ST6GALNAC5: variants seen among roughly 807,000 people sequenced by gnomAD.
The protein encoded by ST6GALNAC5 is ST6 N-acetylgalactosaminide alpha-2,6-sialyltransferase 5, also known as alpha-N-acetylgalactosaminide alpha-2,6-sialyltransferase 5.
In ST6GALNAC5, 27 loss-of-function variants were observed where a neutral mutation model predicts 33.6. That is an observed-to-expected ratio of 0.80 (90% confidence interval 0.59 to 1.11). ST6GALNAC5 has a LOEUF of 1.11. Among genes scored for constraint, ST6GALNAC5 ranks in the 50% least tolerant of loss-of-function variants. The pLI is 0.00. For missense variants in ST6GALNAC5, 428 were observed against 454.0 expected (o/e 0.94, Z 0.52); for synonymous variants, 194 against 171.2 (o/e 1.13, Z -1.04).
At chr1:77,044,979 A>T (rs1651961704) in intron 3 of ST6GALNAC5, among the ~76,000 whole-genome samples, 1 of 152,186 alleles carries the variant, frequency 6.6e-6, no homozygotes, top group Non-Finnish European at 1.5e-5. Context: ...TCCCATTCAA[A>T]GGCAAACATT....
chr1:76,886,928 C>T (rs1357366048), intron 2 of ST6GALNAC5, among the ~76,000 whole-genome samples: 2 of 152,188 alleles, frequency 1.3e-5, no homozygotes, highest in African/African-American at 2.4e-5. Flanking sequence ...ATGGCTATAC[C>T]GTACTTTGTT....
At chr1:76,931,789 T>C (rs1647144032) in intron 2 of ST6GALNAC5, among the ~76,000 whole-genome samples, 1 of 152,072 alleles carries the variant, frequency 6.6e-6, no homozygotes, top group Non-Finnish European at 1.5e-5. Context: ...GTTGGAATAC[T>C]GAAATGGATT....
chr1:76,896,508 G>T (rs1327447894), intron 2 of ST6GALNAC5, among the ~76,000 whole-genome samples: 1 of 152,186 alleles, frequency 6.6e-6, no homozygotes, highest in African/African-American at 2.4e-5. Context: ...TTGGTGGTGT[G>T]TGGCGATTAG....
chr1:77,017,616 C>T (rs1181124429), intron 2 of ST6GALNAC5, among the ~76,000 whole-genome samples: 3 of 152,182 alleles, frequency 2.0e-5, no homozygotes, highest in African/African-American at 7.2e-5. Flanking sequence ...AATGACAAAG[C>T]TCCTCATTTT....
chr1:76,891,256 T>C (rs2100248981), intron 2 of ST6GALNAC5, among the ~76,000 whole-genome samples: 1 of 152,336 alleles, frequency 6.6e-6, no homozygotes, highest in East Asian at 1.9e-4. Context: ...TGCCAACACA[T>C]GTTATCATCT....
intron 2 of ST6GALNAC5, among the ~76,000 whole-genome samples, chr1:76,950,934 C>T (rs917341450): frequency 6.6e-6 from 1 of 151,754 alleles, no homozygotes. Flanking sequence ...ACTAATCTCA[C>T]GAACCACCTG....
In ST6GALNAC5 at chr1:76,899,418, G is replaced by T. The variant is rs559995867; in HGVS notation, c.261+30676G>T. ...ATAAGAGGTCAGGGCATGGAAATAA[G>T]GGATCGGGGCACAGAGATAAGAGGT... On this transcript the variant is annotated intron_variant, in intron 2 of 4. Transcript: ENST00000477717. Among the ~76,000 whole-genome samples the T allele has an allele frequency of 4.3e-4, 66 of 152,200 alleles. No homozygotes were observed. In the South Asian group the frequency reaches 0.013, roughly 30 times the overall value.
chr1:76,871,166 T>G (rs1653493914), intron 2 of ST6GALNAC5: 1 of 152,252 alleles, frequency 6.6e-6, no homozygotes, highest in Non-Finnish European at 1.5e-5. Context: ...TAGGAATTTT[T>G]TTCCAATTAT....
intron 4 of ST6GALNAC5, among the ~76,000 whole-genome samples, chr1:77,053,194 G>T (rs1369950085): frequency 6.6e-6 from 1 of 152,138 alleles, no homozygotes; most frequent in African/African-American, 2.4e-5. Context: ...TCTTTATTTT[G>T]AAAGAAGCAG....
At chr1:76,936,861 G>A (rs1039981575) in intron 2 of ST6GALNAC5, among the ~76,000 whole-genome samples, 1 of 151,642 alleles carries the variant, frequency 6.6e-6, no homozygotes, top group Non-Finnish European at 1.5e-5. Context: ...TTGTACCAGA[G>A]GATGTGGGTT....
intron 4 of ST6GALNAC5, among the ~76,000 whole-genome samples, chr1:77,062,111 A>G (rs1652597938): frequency 1.3e-5 from 2 of 152,192 alleles, no homozygotes; most frequent in African/African-American, 4.8e-5. Context: ...GAAGTTTGCT[A>G]TTTAGCTGCT....
chr1:77,001,829 A>T (rs1262887255), intron 2 of ST6GALNAC5, among the ~76,000 whole-genome samples: 1 of 151,724 alleles, frequency 6.6e-6, no homozygotes, highest in Non-Finnish European at 1.5e-5. Context: ...CTTGCATTCC[A>T]GGAATGAAGC....
At chr1:76,936,448 G>T (rs1032260676) in intron 2 of ST6GALNAC5, among the ~76,000 whole-genome samples, 1 of 151,918 alleles carries the variant, frequency 6.6e-6, no homozygotes, top group Admixed American at 6.6e-5. Context: ...AGCTTATTTT[G>T]TTGTTCATAG....
At chr1:76,966,924 G>GC (rs760283342) in intron 2 of ST6GALNAC5, among the ~76,000 whole-genome samples, 127 of 152,320 alleles carry the variant, frequency 8.3e-4, no homozygotes, top group Non-Finnish European at 1.4e-3. Context: ...TGTTGAACCA[G>GC]CCTTGCATCC....
At chr1:76,879,123 G>A (rs1451022971) in intron 2 of ST6GALNAC5, among the ~76,000 whole-genome samples, 1 of 152,162 alleles carries the variant, frequency 6.6e-6, no homozygotes, top group African/African-American at 2.4e-5. Context: ...CATTGATCAA[G>A]GGTATGTCTT....
chr1:77,036,197 G>A (rs183131503), intron 2 of ST6GALNAC5, among the ~76,000 whole-genome samples: 14 of 152,218 alleles, frequency 9.2e-5, no homozygotes, highest in Admixed American at 4.6e-4. Context: ...CCATTTATGC[G>A]AAATGTCCAG....
chr1:76,983,204 G>C (rs562850619), intron 2 of ST6GALNAC5, among the ~76,000 whole-genome samples: 7 of 152,116 alleles, frequency 4.6e-5, no homozygotes, highest in Non-Finnish European at 8.8e-5. Flanking sequence ...CCAATTAAAA[G>C]ACACAGACTG....
rs188616350 is a variant in ST6GALNAC5, at chr1:77,051,553, G to A, written c.779+1188G>A. Among the ~76,000 whole-genome samples the A allele has an allele frequency of 9.2e-4, 140 of 152,254 alleles. 1 individual carries two copies. Among genetic ancestry groups the A allele is most frequent in the African/African-American group, 3.2e-3 (133 of 41,558 alleles). On this transcript the variant is annotated intron_variant, in intron 4 of 4. Transcript: ENST00000477717. ...CATAGACGTGGATGTGATAGTAATA[G>A]ACTCTGCCTCAAAGGGCTGTAGGCA...
rs1326482422 is a variant in ST6GALNAC5, at chr1:76,877,353, T to G, written c.261+8611T>G. ...AGCTTGCACAGCAGCCTGAGCCTGTTGCAGAGCCTTCTCCTGTTCTGGACC... is the reference window on the plus strand; with the variant it reads ...AGCTTGCACAGCAGCCTGAGCCTGTGGCAGAGCCTTCTCCTGTTCTGGACC... On this transcript the variant is annotated intron_variant, in intron 2 of 4. Transcript: ENST00000477717. Among the ~76,000 whole-genome samples, 3 of 152,202 alleles carry G rather than the reference T, an allele frequency of 2.0e-5. No individual in the cohort carries two copies. The East Asian group carries it at 5.8e-4, about 29-fold the overall frequency.
Sources: gnomAD v4.1 joint callset for allele counts (sites outside exome capture counted in the v4.1 genomes callset) on GRCh38, gnomAD v4.1.1 for gene constraint, MANE v1.5 for transcripts, NCBI Gene and HGNC (gene_info 2026-07-23, HGNC 2026-07-21) for gene names.